Variants in CEP63 observed in about 807,000 individuals in gnomAD.
The protein encoded by CEP63 is centrosomal protein 63.
Under a neutral mutation model 89.1 loss-of-function variants are expected in CEP63, and 84 were observed. That is an observed-to-expected ratio of 0.94 (90% confidence interval 0.79 to 1.13). The LOEUF (loss-of-function observed/expected upper bound fraction) is 1.13, where lower values mean the gene tolerates loss of function less well. Ranked by LOEUF, CEP63 falls within the 50% of genes most tolerant of loss-of-function variation. The pLI is 0.00. For synonymous variants in CEP63, 267 were observed against 272.5 expected, an observed-to-expected ratio of 0.98 and a Z score of 0.20; for missense variants, 838 against 813.3, an observed-to-expected ratio of 1.03 and a Z score of -0.37.
intron 6 of CEP63, among the ~76,000 whole-genome samples, chr3:134,538,929 C>T (rs1222579141): frequency 2.0e-5 from 3 of 151,966 alleles, no homozygotes; most frequent in Non-Finnish European, 2.9e-5. Context: ...TTTTTACTTA[C>T]TGTAATTCAG....
the CEP63 span, among the ~76,000 whole-genome samples, chr3:134,734,882 C>A: frequency 1.3e-5 from 2 of 152,142 alleles, no homozygotes; most frequent in African/African-American, 4.8e-5. Flanking sequence ...CCTTTTTAAA[C>A]AAGCTGGTCT....
the CEP63 span, among the ~76,000 whole-genome samples, chr3:134,716,397 G>A: frequency 4.6e-5 from 7 of 152,248 alleles, no homozygotes; most frequent in African/African-American, 1.4e-4. Flanking sequence ...TCATAGTCCT[G>A]TAGGTATGAC....
chr3:134,736,616 C>A, the CEP63 span, among the ~76,000 whole-genome samples: 5 of 152,058 alleles, frequency 3.3e-5, no homozygotes, highest in African/African-American at 4.8e-5. Flanking sequence ...TGTTTGTGAC[C>A]TTTCTGAAGA....
At chr3:134,580,499 C>T (rs945600397) in intron 10 of CEP63, among the ~76,000 whole-genome samples, 19 of 147,618 alleles carry the variant, frequency 1.3e-4, no homozygotes, top group African/African-American at 4.8e-4. Context: ...GAAATAATAC[C>T]AACCATAACT....
At chr3:134,761,047 CTT>C in the CEP63 span, among the ~76,000 whole-genome samples, 1 of 151,718 alleles carries the variant, frequency 6.6e-6, no homozygotes. Flanking sequence ...GCTGAGGAAT[CTT>C]TTTTGCTGTT....
chr3:134,487,171 TACG>T (rs1935858912), intron 1 of CEP63, among the ~76,000 whole-genome samples: 1 of 152,240 alleles, frequency 6.6e-6, no homozygotes, highest in African/African-American at 2.4e-5. Flanking sequence ...ATTTTTTAGA[TACG>T]AGGAAATCAT....
the CEP63 span, chr3:134,610,449 G>T: frequency 7.0e-7 from 1 of 1,425,228 alleles, no homozygotes; most frequent in Non-Finnish European, 9.7e-7. Flanking sequence ...TCTGTCCATG[G>T]TCTCAGGTTT....
At chr3:134,538,350 G>C (rs1203475945) in intron 6 of CEP63, among the ~76,000 whole-genome samples, 1 of 150,982 alleles carries the variant, frequency 6.6e-6, no homozygotes, top group Non-Finnish European at 1.5e-5. Context: ...TGGCTCTGCT[G>C]TGAGTGACTT....
At chr3:134,620,045 G>A in the CEP63 span, 4 of 152,224 alleles carry the variant, frequency 2.6e-5, no homozygotes, top group Admixed American at 2.0e-4. Flanking sequence ...AGAAAGACCC[G>A]GCTGGTCTTT....
the CEP63 span, among the ~76,000 whole-genome samples, chr3:134,630,454 G>A: frequency 1.3e-5 from 2 of 152,168 alleles, no homozygotes; most frequent in Non-Finnish European, 2.9e-5. Context: ...ACACAGTTGT[G>A]GGGCCTATAT....
At chr3:134,553,683 G>A (rs965228636) in intron 12 of CEP63, 2 of 152,168 alleles carry the variant, frequency 1.3e-5, no homozygotes, top group African/African-American at 4.8e-5. Flanking sequence ...TTATTGCACT[G>A]TCAATGAGAA....
chr3:134,547,628 T>TTTTTTTTTTTTTTTTTTTTG (rs1182808443), intron 9 of CEP63, among the ~76,000 whole-genome samples, 156 bp downstream of exon 9: 2 of 122,608 alleles, frequency 1.6e-5, no homozygotes, highest in Non-Finnish European at 1.7e-5. Context: ...TTTTTTTTTT[T>TTTTTTTTTTTTTTTTTTTTG]TGAGACGGAG....
the CEP63 span, chr3:134,780,555 A>C: frequency 1.3e-5 from 2 of 152,232 alleles, no homozygotes; most frequent in African/African-American, 4.8e-5. Context: ...ACAAATTTGC[A>C]TGTTACCTTT....
At chr3:134,730,327 G>T in the CEP63 span, among the ~76,000 whole-genome samples, 1 of 152,134 alleles carries the variant, frequency 6.6e-6, no homozygotes, top group East Asian at 1.9e-4. Flanking sequence ...TTTAGGCGAG[G>T]CAGGTTGGGG....
At chr3:134,691,947 T>TG in the CEP63 span, among the ~76,000 whole-genome samples, 6 of 152,156 alleles carry the variant, frequency 3.9e-5, no homozygotes, top group African/African-American at 1.4e-4. Context: ...CCTGACCTTG[T>TG]GATCTGCTCG....
At chr3:134,571,688 A>AC (rs1416502859) in intron 11 of CEP63, among the ~76,000 whole-genome samples, 1 of 152,172 alleles carries the variant, frequency 6.6e-6, no homozygotes, top group Non-Finnish European at 1.5e-5. Context: ...CTCAACAACA[A>AC]CAACAACAAC....
At chr3:134,610,932 C>G in the CEP63 span, among the ~76,000 whole-genome samples, 4 of 152,172 alleles carry the variant, frequency 2.6e-5, no homozygotes, top group African/African-American at 7.2e-5. Flanking sequence ...GCCCTACCCC[C>G]CTGCTATTCC....
chr3:134,543,444 C>T (rs1042623476), intron 6 of CEP63, among the ~76,000 whole-genome samples: 4 of 152,038 alleles, frequency 2.6e-5, no homozygotes, highest in Non-Finnish European at 5.9e-5. Flanking sequence ...TTTTGTGTGA[C>T]CAAAATAGTA....
At chr3:134,719,139 A>G in the CEP63 span, among the ~76,000 whole-genome samples, 3 of 152,072 alleles carry the variant, frequency 2.0e-5, no homozygotes, top group Non-Finnish European at 2.9e-5. Flanking sequence ...GTTTTCATCA[A>G]GCAGCTTGTT....
Sources: gnomAD v4.1 joint callset for allele counts (sites outside exome capture counted in the v4.1 genomes callset) on GRCh38, gnomAD v4.1.1 for gene constraint, MANE v1.5 for transcripts, NCBI Gene and HGNC (gene_info 2026-07-23, HGNC 2026-07-21) for gene names.